STPG2: variants seen among roughly 807,000 people sequenced by gnomAD.
STPG2 encodes sperm-tail PG-rich repeat-containing protein 2.
In STPG2, 56 loss-of-function variants were observed where a neutral mutation model predicts 54.2. The ratio of observed to expected loss-of-function variants is 1.03; its 90% CI spans 0.83 to 1.29. The LOEUF (loss-of-function observed/expected upper bound fraction) is 1.29, where lower values mean the gene tolerates loss of function less well. Ranked by LOEUF, STPG2 falls within the 50% of genes most tolerant of loss-of-function variation. STPG2 has a pLI of 0.00. For missense variants in STPG2, 596 were observed against 544.9 expected, an observed-to-expected ratio of 1.09 and a Z score of -0.93; for synonymous variants, 200 against 181.8, an observed-to-expected ratio of 1.10 and a Z score of -0.81.
intron 9 of STPG2, among the ~76,000 whole-genome samples, chr4:97,834,071 C>A (rs772121655): frequency 1.8e-4 from 27 of 152,048 alleles, no homozygotes; most frequent in Admixed American, 1.4e-3. Context: ...ATGTGTATTG[C>A]GGCACTCTTC....
intron 4 of STPG2, among the ~76,000 whole-genome samples, chr4:97,529,107 T>C (rs1389270190): frequency 6.6e-6 from 1 of 152,222 alleles, no homozygotes; most frequent in East Asian, 1.9e-4. Flanking sequence ...CAGTATGATA[T>C]TGGCTATGGG....
At chr4:97,688,748 G>A (rs1044690328) in intron 10 of STPG2, among the ~76,000 whole-genome samples, 1 of 152,078 alleles carries the variant, frequency 6.6e-6, no homozygotes, top group African/African-American at 2.4e-5. Flanking sequence ...AATGAATATA[G>A]TAAGAATCTT....
rs569586771 is a variant in STPG2 at position 97,892,649 on chromosome 4, AG to A, written c.1044+51247del. 1.6e-3 allele frequency among the ~76,000 whole-genome samples: 239 copies of A among 152,316 alleles called. 1 individual carries two copies. The highest frequency in any genetic ancestry group is 5.5e-3 in the African/African-American group (229 of 41,580). ...CATTTAATAGTTTAAAAAACAACCTAGGTGGAAATTTCATATGCTAATGATA... is the reference window on the plus strand; with the variant it reads ...CATTTAATAGTTTAAAAAACAACCTAGTGGAAATTTCATATGCTAATGATA... On this transcript the variant is annotated intron_variant, in intron 8 of 10. Transcript: ENST00000295268.
At chr4:97,508,162 T>C (rs1280280568) in intron 4 of STPG2, among the ~76,000 whole-genome samples, 1 of 152,154 alleles carries the variant, frequency 6.6e-6, no homozygotes, top group East Asian at 1.9e-4. Context: ...TTCTTTATTA[T>C]GCCATAGTAA....
chr4:97,664,717 A>G (rs980399776), intron 10 of STPG2, among the ~76,000 whole-genome samples: 1 of 152,056 alleles, frequency 6.6e-6, no homozygotes, highest in Admixed American at 6.6e-5. Flanking sequence ...CCTATGATAA[A>G]GCAGGATAGT....
intron 8 of STPG2, among the ~76,000 whole-genome samples, chr4:97,864,624 G>A (rs968812337): frequency 6.6e-5 from 10 of 152,146 alleles, no homozygotes; most frequent in Non-Finnish European, 8.8e-5. Flanking sequence ...AAAAGAGCCC[G>A]CATTGCCAAG....
At chr4:97,974,900 T>C (rs1424855617) in intron 6 of STPG2, among the ~76,000 whole-genome samples, 1 of 152,020 alleles carries the variant, frequency 6.6e-6, no homozygotes, top group African/African-American at 2.4e-5. Flanking sequence ...TGAAAAGAAC[T>C]CAAGTGTCCA....
At chr4:97,941,435 G>C (rs1162637040) in intron 8 of STPG2, among the ~76,000 whole-genome samples, 1 of 152,000 alleles carries the variant, frequency 6.6e-6, no homozygotes, top group Non-Finnish European at 1.5e-5. Flanking sequence ...AGAATGCTCA[G>C]TAAACAGATG....
intron 5 of STPG2, chr4:98,026,321 G>GAA: frequency 5.4e-6 from 3 of 554,676 alleles, no homozygotes; most frequent in South Asian, 4.6e-5. Context: ...AGTATGGACA[G>GAA]AAAAAAAAAT....
At chr4:98,066,193 G>C (rs1460258774) in intron 5 of STPG2, among the ~76,000 whole-genome samples, 1 of 152,092 alleles carries the variant, frequency 6.6e-6, no homozygotes, top group Non-Finnish European at 1.5e-5. Context: ...TTTAGCAAAT[G>C]TCATCCAACC....
chr4:97,692,544 T>A (rs1723405807), intron 10 of STPG2, among the ~76,000 whole-genome samples: 1 of 152,118 alleles, frequency 6.6e-6, no homozygotes, highest in South Asian at 2.1e-4. Flanking sequence ...AAGTCTGGGA[T>A]TATGTTAAAC....
At chr4:97,880,383 C>T (rs1257508564) in intron 8 of STPG2, among the ~76,000 whole-genome samples, 2 of 152,000 alleles carry the variant, frequency 1.3e-5, no homozygotes, top group African/African-American at 4.8e-5. Context: ...CAAGTATGCC[C>T]AAATAGAAAG....
intron 9 of STPG2, among the ~76,000 whole-genome samples, chr4:97,836,566 T>C (rs1207399765): frequency 1.3e-5 from 2 of 151,848 alleles, no homozygotes; most frequent in African/African-American, 4.8e-5. Context: ...CCAAGCCATA[T>C]TGCCAAGGTA....
chr4:97,787,911 C>A (rs1405805795), intron 9 of STPG2, among the ~76,000 whole-genome samples: 1 of 150,980 alleles, frequency 6.6e-6, no homozygotes, highest in Non-Finnish European at 1.5e-5. Flanking sequence ...TCCTAATATT[C>A]ATTCTTATCT....
intron 10 of STPG2, among the ~76,000 whole-genome samples, chr4:97,656,484 A>G (rs1722222759): frequency 6.6e-6 from 1 of 152,010 alleles, no homozygotes; most frequent in African/African-American, 2.4e-5. Flanking sequence ...GACAAATGCA[A>G]TAGAGTCTTA....
intron 9 of STPG2, among the ~76,000 whole-genome samples, chr4:97,832,562 G>T (rs913189792): frequency 6.6e-6 from 1 of 152,198 alleles, no homozygotes; most frequent in Non-Finnish European, 1.5e-5. Flanking sequence ...AATAGGAAAA[G>T]AGAAAGTCAA....
intron 3 of STPG2, among the ~76,000 whole-genome samples, chr4:98,117,193 A>T (rs1739544890): frequency 6.6e-6 from 1 of 151,958 alleles, no homozygotes; most frequent in African/African-American, 2.4e-5. Flanking sequence ...ATTTTCAAGG[A>T]ATAGCTTTGC....
At chr4:97,720,300 A>G (rs1724409115) in intron 9 of STPG2, among the ~76,000 whole-genome samples, 2 of 152,014 alleles carry the variant, frequency 1.3e-5, no homozygotes, top group Non-Finnish European at 2.9e-5. Context: ...TTCATAAGCT[A>G]TAAAATGAGT....
At chr4:97,849,246 T>C (rs1205630721) in intron 8 of STPG2, among the ~76,000 whole-genome samples, 1 of 151,662 alleles carries the variant, frequency 6.6e-6, no homozygotes, top group Non-Finnish European at 1.5e-5. Flanking sequence ...CTAGGTATTT[T>C]ATTCTCTTTG....
Sources: gnomAD v4.1 joint callset for allele counts (sites outside exome capture counted in the v4.1 genomes callset) on GRCh38, gnomAD v4.1.1 for gene constraint, MANE v1.5 for transcripts, NCBI Gene and HGNC (gene_info 2026-07-23, HGNC 2026-07-21) for gene names.